The following CUL2 variants were observed in gnomAD, a reference collection of about 807,000 sequenced individuals.
The protein encoded by CUL2 is cullin 2.
A neutral mutation model predicts 110.2 loss-of-function variants in CUL2; 22 were observed. That is an observed-to-expected ratio of 0.20 (90% confidence interval 0.14 to 0.28). The LOEUF (loss-of-function observed/expected upper bound fraction) is 0.28, where lower values mean the gene tolerates loss of function less well. Among genes scored for constraint, CUL2 ranks in the 10% least tolerant of loss-of-function variants. The pLI, the probability that CUL2 is intolerant of heterozygous loss-of-function variation, is 1.00. For missense variants in CUL2, 631 were observed against 905.5 expected, an observed-to-expected ratio of 0.70 and a Z score of 3.89; for synonymous variants, 279 against 293.2, an observed-to-expected ratio of 0.95 and a Z score of 0.49.
intron 1 of CUL2, among the ~76,000 whole-genome samples, chr10:35,125,241 G>C (rs1005020339): frequency 6.6e-6 from 1 of 152,160 alleles, no homozygotes; most frequent in Non-Finnish European, 1.5e-5. Flanking sequence ...GGGCTTGTAA[G>C]TATGTGTATC....
rs187194409 is a variant in CUL2, at chr10:35,033,731, C to T, written c.1003-458G>A. Among the ~76,000 whole-genome samples, 254 of 145,170 alleles carry T rather than the reference C, an allele frequency of 1.7e-3. 2 individuals are homozygous for T. The highest frequency in any genetic ancestry group is 2.8e-3 in the Non-Finnish European group (185 of 66,830). ...CAGCTTGGGCGACAGAGTGAGACTC[C>T]GTCTCAGAAAAACAACAACAACAAC... On this transcript the variant is annotated intron_variant, in intron 10 of 20. Coordinates refer to ENST00000374749, the MANE Select transcript of CUL2 (RefSeq NM_003591.4).
chr10:35,066,109 G>A (rs555527935), intron 2 of CUL2, among the ~76,000 whole-genome samples: 3 of 152,228 alleles, frequency 2.0e-5, no homozygotes, highest in Admixed American at 6.5e-5. Flanking sequence ...CTATTAAAAG[G>A]TGTTTCCTAC....
At chr10:35,084,232 G>A (rs557393009) in intron 1 of CUL2, among the ~76,000 whole-genome samples, 13 of 152,282 alleles carry the variant, frequency 8.5e-5, no homozygotes, top group Admixed American at 2.0e-4. Context: ...AGCTGAGATC[G>A]CGCCACTGCA....
At position 35,084,970 on chromosome 10, in the gene CUL2, A is replaced by G. The variant is rs570493414; in HGVS notation, c.-23+5209T>C. Among the ~76,000 whole-genome samples the G allele has an allele frequency of 2.6e-5, 4 of 151,300 alleles. No individual in the cohort carries two copies. In the South Asian group the frequency reaches 8.4e-4, roughly 32 times the overall value. On this transcript the variant is annotated intron_variant, in intron 1 of 20. Coordinates refer to ENST00000374749, the MANE Select transcript of CUL2 (RefSeq NM_003591.4). The stretch of plus-strand genomic sequence containing the variant: ...CCGTCTCTACTAAAAATACAAAAAA[A>G]TTAGCTGGGGGTGGTGGTGGGCGCC...
chr10:35,087,285 T>C (rs961540673), intron 1 of CUL2, among the ~76,000 whole-genome samples: 1 of 152,208 alleles, frequency 6.6e-6, no homozygotes, highest in East Asian at 1.9e-4. Context: ...ATCTTAAATT[T>C]TGAGCCATGT....
chr10:35,041,860 A>G (rs966538870), intron 8 of CUL2, among the ~76,000 whole-genome samples: 24 of 152,160 alleles, frequency 1.6e-4, no homozygotes, highest in Non-Finnish European at 2.9e-4. Flanking sequence ...TCTAATAAAC[A>G]TTCTTTTCCA....
chr10:35,109,804 T>A (rs1193747313), intron 1 of CUL2, among the ~76,000 whole-genome samples: 3 of 152,240 alleles, frequency 2.0e-5, no homozygotes, highest in Admixed American at 6.5e-5. Context: ...GAAGCTCGAT[T>A]TTATTTCAAC....
chr10:35,029,063 G>GTT (rs35011745), intron 15 of CUL2, among the ~76,000 whole-genome samples, 176 bp from the exon 16 acceptor site: 139 of 142,046 alleles, frequency 9.8e-4, no homozygotes, highest in African/African-American at 2.3e-3. Flanking sequence ...ACCTTTTTTT[G>GTT]TTTTTTTTTT....
chr10:35,058,462 A>G (rs544707424), intron 4 of CUL2, among the ~76,000 whole-genome samples: 1 of 152,310 alleles, frequency 6.6e-6, no homozygotes, highest in South Asian at 2.1e-4. Flanking sequence ...CTCCCATAAC[A>G]CAAGGACAGG....
chr10:35,118,711 A>G (rs995546757), intron 1 of CUL2: 1 of 152,118 alleles, frequency 6.6e-6, no homozygotes, highest in Non-Finnish European at 1.5e-5. Flanking sequence ...ATTCCTTGGG[A>G]CAATCAGCTG....
At chr10:35,101,865 G>A (rs1377417468) in intron 1 of CUL2, among the ~76,000 whole-genome samples, 1 of 152,188 alleles carries the variant, frequency 6.6e-6, no homozygotes, top group Non-Finnish European at 1.5e-5. Context: ...TCTAATTAGA[G>A]GGAGTAGAAC....
intron 1 of CUL2, among the ~76,000 whole-genome samples, chr10:35,121,329 T>C (rs1299883636): frequency 6.6e-6 from 1 of 152,138 alleles, no homozygotes; most frequent in Non-Finnish European, 1.5e-5. Context: ...ACAGGCTCAA[T>C]TGATTCTCCT....
At position 35,101,703 on chromosome 10, in the gene CUL2, T is replaced by C. The variant is rs145619962; in HGVS notation, c.-50-643A>G. ...TTGTAACTCTTCAGTTCCAAACTAA[T>C]CTTTTGTATCATTCAATTCTACTCC... is the stretch of plus-strand genomic sequence containing the variant. On this transcript the variant is annotated intron_variant, in intron 1 of 5. Coordinates refer to the CUL2 transcript ENST00000685421. 6.1e-3 allele frequency among the ~76,000 whole-genome samples: 925 copies of C among 152,338 alleles called. 11 individuals are homozygous for C. The highest frequency in any genetic ancestry group is 0.021 in the African/African-American group (877 of 41,588).
At chr10:35,110,996 A>G (rs2087517403) in intron 1 of CUL2, among the ~76,000 whole-genome samples, 4 of 152,198 alleles carry the variant, frequency 2.6e-5, no homozygotes, top group African/African-American at 9.6e-5. Context: ...GCAGTATCTC[A>G]GCAAGAGATG....
At chr10:35,106,314 T>G (rs536193342) in intron 1 of CUL2, among the ~76,000 whole-genome samples, 74 of 151,784 alleles carry the variant, frequency 4.9e-4, no homozygotes, top group East Asian at 3.3e-3. Context: ...GTTTTTTTTT[T>G]TGTGGGTTTT....
At chr10:35,067,414 C>T (rs1040355731) in intron 2 of CUL2, among the ~76,000 whole-genome samples, 4 of 151,998 alleles carry the variant, frequency 2.6e-5, no homozygotes, top group Non-Finnish European at 5.9e-5. Context: ...TAGAACAGGG[C>T]CAGGTACAGT....
chr10:35,088,245 C>T (rs1029788925), intron 1 of CUL2, among the ~76,000 whole-genome samples: 2 of 152,156 alleles, frequency 1.3e-5, no homozygotes, highest in African/African-American at 2.4e-5. Flanking sequence ...TGTGGTGGCT[C>T]ACGCCTATAA....
chr10:35,116,160 T>C (rs2087596421), intron 1 of CUL2, among the ~76,000 whole-genome samples: 2 of 151,936 alleles, frequency 1.3e-5, no homozygotes, highest in African/African-American at 4.8e-5. Context: ...CTGGCCAACA[T>C]GGTGAAACTC....
Position 35,010,224 on chromosome 10 carries a change from T to G in CUL2, c.*87A>C, listed in dbSNP as rs994959081. 1.5e-6 allele frequency: 2 copies of G among 1,369,288 alleles called. No homozygotes were observed. The highest frequency in any genetic ancestry group is 3.0e-5 in the African/African-American group (2 of 67,146). The allele number at this position is 1,369,288 out of a possible 1,614,324, so 84.8% of individuals were successfully genotyped here. A position where few individuals can be genotyped will look rare whatever the true frequency, so the allele number is the denominator to read the frequency against. On this transcript the variant is annotated 3_prime_UTR_variant, in exon 21 of 21. Transcript: ENST00000374749. ...CAGGGGCTGCCAAATGACCAAATTATGGAGGCACAGTCCTGCTTTTTCCCA... is the reference window on the plus strand; with the variant it reads ...CAGGGGCTGCCAAATGACCAAATTAGGGAGGCACAGTCCTGCTTTTTCCCA...
Sources: allele counts gnomAD v4.1 joint callset (sites outside exome capture counted in the v4.1 genomes callset), GRCh38; gene constraint gnomAD v4.1.1; transcripts MANE v1.5; gene names NCBI Gene and HGNC (gene_info 2026-07-23, HGNC 2026-07-21).